Variants in NDST4 observed in about 807,000 individuals in gnomAD.
NDST4 encodes the protein N-deacetylase and N-sulfotransferase 4, also known as N-heparan sulfate sulfotransferase 4.
In NDST4, 63 loss-of-function variants were observed where a neutral mutation model predicts 100.8. The observed-to-expected ratio is 0.62, with a 90% CI of 0.51 to 0.77. The LOEUF is 0.77. NDST4 is among the 30% of genes least tolerant of loss of function. The probability of loss-of-function intolerance (pLI) is 0.00; values close to 1 mark genes in which losing one functional copy is unlikely to be tolerated. For missense variants in NDST4, 943 were observed against 1,018.4 expected, an observed-to-expected ratio of 0.93 and a Z score of 1.01; for synonymous variants, 377 against 361.8, an observed-to-expected ratio of 1.04 and a Z score of -0.48.
chr4:114,912,827 C>T (rs766024398), intron 6 of NDST4, among the ~76,000 whole-genome samples: 1 of 151,974 alleles, frequency 6.6e-6, no homozygotes, highest in Non-Finnish European at 1.5e-5. Context: ...ACATAAAAAT[C>T]ACTTGTTTTT....
intron 4 of NDST4, among the ~76,000 whole-genome samples, chr4:114,966,292 A>ATG (rs1205220365): frequency 6.6e-6 from 1 of 151,948 alleles, no homozygotes; most frequent in African/African-American, 2.4e-5. Flanking sequence ...CACATGGCAT[A>ATG]TGTGTGTGTG....
chr4:115,022,421 T>C (rs1727867944), intron 2 of NDST4, among the ~76,000 whole-genome samples: 4 of 101,394 alleles, frequency 3.9e-5, no homozygotes, highest in Middle Eastern at 4.6e-3. Context: ...ATGTGTTCCA[T>C]ATATATGTGT....
intron 6 of NDST4, among the ~76,000 whole-genome samples, chr4:114,931,965 GA>G: frequency 6.6e-6 from 1 of 151,830 alleles, no homozygotes; most frequent in Admixed American, 6.6e-5. Flanking sequence ...AAAAATTTAA[GA>G]GGAGAGTACA....
chr4:114,943,564 C>T (rs1725797757), intron 4 of NDST4, among the ~76,000 whole-genome samples: 1 of 152,116 alleles, frequency 6.6e-6, no homozygotes, highest in Admixed American at 6.5e-5. Context: ...TTCTTTATTA[C>T]ATTTGAGTAT....
chr4:114,931,317 G>T lies in NDST4; in HGVS notation c.1536+3889C>A, dbSNP rs550972483. Among the ~76,000 whole-genome samples the T allele has an allele frequency of 4.3e-3, 645 of 151,728 alleles. 7 individuals are homozygous for T. Among genetic ancestry groups the T allele is most frequent in the Middle Eastern group, 0.027 (8 of 294 alleles). On this transcript the variant is annotated intron_variant, in intron 6 of 13. Transcript: ENST00000264363. ...GGTGCAGTCTAAATTCTTTGTAGTA[G>T]TGCTAGAATTTACCAGCTAGTTTTG...
chr4:115,035,332 T>C (rs1016322355), intron 2 of NDST4, among the ~76,000 whole-genome samples: 3 of 152,040 alleles, frequency 2.0e-5, no homozygotes, highest in Admixed American at 1.3e-4. Flanking sequence ...TTTCATTATG[T>C]GACTGAAAAG....
At chr4:114,867,137 G>T (rs1724043748) in intron 7 of NDST4, among the ~76,000 whole-genome samples, 1 of 152,060 alleles carries the variant, frequency 6.6e-6, no homozygotes, top group Non-Finnish European at 1.5e-5. Context: ...CAATGAATAG[G>T]TTGAGCTAGA....
chr4:115,064,281 C>T (rs72898646), intron 2 of NDST4, among the ~76,000 whole-genome samples: 4,052 of 152,016 alleles, frequency 0.027, 188 homozygotes, highest in African/African-American at 0.093. Flanking sequence ...TTTGCAACTC[C>T]GTCCTCAAGA....
intron 2 of NDST4, among the ~76,000 whole-genome samples, chr4:115,065,158 C>G (rs1728920170): frequency 6.6e-6 from 1 of 151,954 alleles, no homozygotes; most frequent in Admixed American, 6.6e-5. Flanking sequence ...CTGATTTTCC[C>G]TTTCTATCCT....
At position 114,929,074 on chromosome 4, in the gene NDST4, G is replaced by GTCCA. The variant is rs1295994273; in HGVS notation, c.1536+6128_1536+6131dup. ...CGTCCGTCCGTCCGTCCGTCCGTCC[G>GTCCA]TCCATCCATCCATCCATCCATCCAT... On this transcript the variant is annotated intron_variant, in intron 6 of 13. Coordinates refer to ENST00000264363, the MANE Select transcript of NDST4 (RefSeq NM_022569.3). Among the ~76,000 whole-genome samples the GTCCA allele has an allele frequency of 3.3e-3, 397 of 120,530 alleles. 4 individuals carry two copies. Among genetic ancestry groups the GTCCA allele is most frequent in the East Asian group, 0.014 (51 of 3,598 alleles). The allele number at this position is 120,530 out of a possible 152,430, so 79.1% of individuals were successfully genotyped here.
intron 6 of NDST4, among the ~76,000 whole-genome samples, chr4:114,874,720 T>C (rs914367742): frequency 6.6e-6 from 1 of 152,146 alleles, no homozygotes. Flanking sequence ...AGAGTATAGG[T>C]GTATAAGACA....
intron 6 of NDST4, among the ~76,000 whole-genome samples, chr4:114,884,401 C>T (rs1724435019): frequency 6.6e-6 from 1 of 152,120 alleles, no homozygotes; most frequent in Non-Finnish European, 1.5e-5. Flanking sequence ...CTGAAAACTG[C>T]TAGTGAATTC....
intron 6 of NDST4, among the ~76,000 whole-genome samples, chr4:114,877,286 T>A (rs1351983429): frequency 1.3e-5 from 2 of 152,184 alleles, no homozygotes; most frequent in African/African-American, 2.4e-5. Flanking sequence ...CCTCATAAGC[T>A]TTTCCTAGAA....
chr4:114,867,892 C>T (rs539456337), intron 7 of NDST4, among the ~76,000 whole-genome samples: 1 of 152,090 alleles, frequency 6.6e-6, no homozygotes, highest in East Asian at 1.9e-4. Context: ...AATCAATTTC[C>T]AGTGAGAGAT....
chr4:114,839,600 G>C, intron 10 of NDST4, 52 bp from the exon 11 acceptor site: 1 of 1,559,916 alleles, frequency 6.4e-7, no homozygotes, highest in Non-Finnish European at 8.8e-7. Context: ...TGCCTGTGTA[G>C]ATATGCATAT....
chr4:115,056,008 A>T (rs59576450), intron 2 of NDST4, among the ~76,000 whole-genome samples: 7,552 of 152,188 alleles, frequency 0.05, 463 homozygotes, highest in African/African-American at 0.14. Context: ...AAAAATACTA[A>T]TAAGGGCATT....
At chr4:115,106,003 G>T (rs1172529346) in intron 1 of NDST4, among the ~76,000 whole-genome samples, 1 of 151,812 alleles carries the variant, frequency 6.6e-6, no homozygotes, top group Non-Finnish European at 1.5e-5. Flanking sequence ...TTGATTATTG[G>T]TCAAGCACTC....
At chr4:114,897,602 G>A (rs1223534675) in intron 6 of NDST4, among the ~76,000 whole-genome samples, 1 of 152,162 alleles carries the variant, frequency 6.6e-6, no homozygotes, top group Non-Finnish European at 1.5e-5. Flanking sequence ...CAAGCAGCAT[G>A]ATTGCTGGGT....
intron 7 of NDST4, among the ~76,000 whole-genome samples, 159 bp downstream of exon 7, chr4:114,870,609 G>A (rs899147504): frequency 6.6e-6 from 1 of 152,092 alleles, no homozygotes; most frequent in Non-Finnish European, 1.5e-5. Flanking sequence ...CATAAAATAA[G>A]CAAAAATTGT....
Sources: gnomAD v4.1 joint callset for allele counts (sites outside exome capture counted in the v4.1 genomes callset) on GRCh38, gnomAD v4.1.1 for gene constraint, MANE v1.5 for transcripts, NCBI Gene and HGNC (gene_info 2026-07-23, HGNC 2026-07-21) for gene names.